The following APOBEC3G variants were observed in gnomAD, a reference collection of about 807,000 sequenced individuals.
APOBEC3G encodes the protein DNA dC->dU-editing enzyme APOBEC-3G.
A neutral mutation model predicts 50.0 loss-of-function variants in APOBEC3G; 44 were observed. That is an observed-to-expected ratio of 0.88 (90% CI 0.69 to 1.13). The LOEUF is 1.13. Ranked by LOEUF, APOBEC3G falls within the 50% of genes most tolerant of loss-of-function variation. The pLI is 0.00. For missense variants in APOBEC3G, 469 were observed against 492.0 expected (o/e 0.95, Z 0.44); for synonymous variants, 156 against 175.3 (o/e 0.89, Z 0.87).
intron 3 of APOBEC3G, 52 bp from the exon 4 acceptor site, chr22:39,081,419 C>T (rs1327930198): frequency 6.3e-7 from 1 of 1,584,896 alleles, no homozygotes; most frequent in African/African-American, 1.3e-5. Context: ...GTCCCGAGGT[C>T]ACAGAAGAGA....
At chr22:39,080,325 T>G (rs976722408) in intron 2 of APOBEC3G, 4 of 379,710 alleles carry the variant, frequency 1.1e-5, no homozygotes, top group Non-Finnish European at 1.1e-5. Flanking sequence ...ACTTCCAAAC[T>G]CAGGGAAGCA....
intron 4 of APOBEC3G, 169 bp downstream of exon 4, chr22:39,081,754 G>A: frequency 3.4e-6 from 2 of 590,364 alleles, no homozygotes; most frequent in Non-Finnish European, 6.0e-6. Context: ...CACTCCTCGT[G>A]CTCCCTCCAC....
At chr22:39,078,680 GT>G (rs1487622776) in intron 1 of APOBEC3G, 3 of 481,012 alleles carry the variant, frequency 6.2e-6, no homozygotes, top group African/African-American at 5.9e-5. Context: ...GTTAAAAGCT[GT>G]TATTTTGGGG....
At chr22:39,083,440 C>G (rs552379202) in intron 4 of APOBEC3G, among the ~76,000 whole-genome samples, 36 of 152,262 alleles carry the variant, frequency 2.4e-4, no homozygotes, top group African/African-American at 8.7e-4. Context: ...CCCAGCTGTA[C>G]CCCAGGGAGA....
intron 4 of APOBEC3G, 75 bp downstream of exon 4, chr22:39,081,660 T>A (rs1375669017): frequency 2.4e-6 from 3 of 1,250,218 alleles, no homozygotes; most frequent in South Asian, 2.5e-5. Context: ...TCCCCTCTGT[T>A]CCAGACCAGG....
chr22:39,077,203 C>T, upstream of APOBEC3G: 1 of 1,256,176 alleles, frequency 8.0e-7, no homozygotes, highest in Non-Finnish European at 1.1e-6. Context: ...GTCCCAGGGC[C>T]TCCTACACCA....
chr22:39,079,175 G>A (rs893462907), intron 2 of APOBEC3G, 90 bp downstream of exon 2: 213 of 1,464,886 alleles, frequency 1.5e-4, no homozygotes, highest in Non-Finnish European at 1.6e-4. Context: ...GCCCGGCGGC[G>A]GGCTATCCAG....
At position 39,086,438 on chromosome 22, in the gene APOBEC3G, A is replaced by C. The variant is rs1300339249; in HGVS notation, c.895A>C (p.Ile299Leu). ...FSCAQEMAKF[I>L]SKNKHVSLCI... The stretch of plus-strand genomic sequence containing the variant: ...CTGTGCCCAGGAAATGGCTAAATTC[A>C]TTTCAAAAAACAAACACGTGAGCCT... The change falls in exon 6 of 8, where the codon ATT (isoleucine) becomes CTT (leucine). Residue 299 changes from isoleucine (I) to leucine (L), a missense_variant. By Grantham distance (5) the Ile-to-Leu change is conservative. Transcript: ENST00000407997. The C allele has an allele frequency of 1.1e-5, 18 of 1,614,126 alleles. No homozygotes were observed. The highest frequency in any genetic ancestry group is 1.4e-5 in the Non-Finnish European group (17 of 1,180,014).
rs1928316532 is a variant in APOBEC3G at position 39,079,189 on chromosome 22, G to T, written c.171+104G>T. 3 of 1,421,410 alleles carry T rather than the reference G, an allele frequency of 2.1e-6. No individual in the cohort carries two copies. In the African/African-American group the frequency reaches 4.3e-5, roughly 21 times the overall value. 88.0% of individuals were successfully genotyped at this position (1,421,410 alleles called of 1,614,324 possible). A position where few individuals can be genotyped will look rare whatever the true frequency, so the allele number is the denominator to read the frequency against. On this transcript the variant is annotated intron_variant, in intron 2 of 7. Transcript: ENST00000407997. ...TGCCCGGCGGCGGGCTATCCAGTGT[G>T]TCCTTCTCTCCCACACTTTCCAAGT...
chr22:39,077,267 T>G, upstream of APOBEC3G: 1 of 1,551,228 alleles, frequency 6.4e-7, no homozygotes, highest in South Asian at 1.2e-5. Flanking sequence ...GGGAGGTCAC[T>G]TTAGGGAGGG....
intron 7 of APOBEC3G, 76 bp from the exon 8 acceptor site, chr22:39,087,331 T>C: frequency 6.2e-7 from 1 of 1,608,600 alleles, no homozygotes; most frequent in South Asian, 1.1e-5. Context: ...TCATTGTCAC[T>C]GTCCCCAGGC....
At chr22:39,079,832 C>G (rs1371634572) in intron 2 of APOBEC3G, 1 of 149,954 alleles carries the variant, frequency 6.7e-6, no homozygotes, top group Non-Finnish European at 1.5e-5. Flanking sequence ...GTTAGATATT[C>G]AAAACCGGCC....
chr22:39,079,434 C>A (rs1336288600), intron 2 of APOBEC3G: 2 of 198,746 alleles, frequency 1.0e-5, no homozygotes, highest in Admixed American at 5.7e-5. Context: ...GCTGTCGCCT[C>A]AGACTCGCAA....
At chr22:39,084,304 G>A (rs1928604345) in intron 5 of APOBEC3G, among the ~76,000 whole-genome samples, 2 of 152,140 alleles carry the variant, frequency 1.3e-5, no homozygotes, top group African/African-American at 2.4e-5. Flanking sequence ...CGAGGCTGGC[G>A]ATCACAAGGT....
chr22:39,080,230 T>G, intron 2 of APOBEC3G: 1 of 795,104 alleles, frequency 1.3e-6, no homozygotes, highest in Middle Eastern at 5.0e-4. Flanking sequence ...CAGGCCACAG[T>G]AGGGGCTGAG....
At chr22:39,081,262 C>G in intron 3 of APOBEC3G, 35 bp downstream of exon 3, 1 of 1,604,038 alleles carries the variant, frequency 6.2e-7, no homozygotes, top group East Asian at 2.2e-5. Context: ...GTGGGAGAGA[C>G]TGCTTAAGTG....
intron 1 of APOBEC3G, among the ~76,000 whole-genome samples, chr22:39,077,581 T>TC (rs1300354650): frequency 2.0e-5 from 3 of 151,210 alleles, no homozygotes; most frequent in African/African-American, 7.3e-5. Context: ...ATGGGCCGCC[T>TC]CCCCCATCTG....
intron 2 of APOBEC3G, chr22:39,080,129 T>A: frequency 3.1e-6 from 1 of 319,886 alleles, no homozygotes; most frequent in Non-Finnish European, 4.9e-6. Flanking sequence ...CAGTAGTCCC[T>A]TGGCCATGTC....
Position 39,083,803 on chromosome 22 carries a change from T to C in APOBEC3G, c.654T>C (p.Thr218=), listed in dbSNP as rs1928578378. 6.2e-7 allele frequency: 1 copy of C among 1,613,898 alleles called. No homozygotes were observed. Among genetic ancestry groups the C allele is most frequent in the Non-Finnish European group, 8.5e-7 (1 of 1,179,934 alleles). Reference sequence around the variant, plus strand: ...CTTGGGTCAGAGGACGGCATGAGACTTACCTGTGTTATGAGGTGGAGCGCA... The same window carrying C: ...CTTGGGTCAGAGGACGGCATGAGACCTACCTGTGTTATGAGGTGGAGCGCA... The part of the protein sequence containing the change: ...NEPWVRGRHE[T]YLCYEVERMH... The change falls in exon 5 of 8, where the codon ACT becomes ACC. Residue 218 remains threonine (T), a synonymous_variant. Coordinates refer to ENST00000407997, the MANE Select transcript of APOBEC3G (RefSeq NM_021822.4).
Sources: allele counts gnomAD v4.1 joint callset (sites outside exome capture counted in the v4.1 genomes callset), GRCh38; gene constraint gnomAD v4.1.1; transcripts MANE v1.5; gene names NCBI Gene and HGNC (gene_info 2026-07-23, HGNC 2026-07-21).